SPOP: variants seen among roughly 807,000 people sequenced by gnomAD.
SPOP encodes speckle-type POZ protein.
A neutral mutation model predicts 45.6 loss-of-function variants in SPOP; 11 were observed. That is an observed-to-expected ratio of 0.24 (90% CI 0.15 to 0.40). The LOEUF (loss-of-function observed/expected upper bound fraction) is 0.40, where lower values mean the gene tolerates loss of function less well. Ranked by LOEUF, SPOP falls within the 10% of genes least tolerant of loss-of-function variation. The probability of loss-of-function intolerance (pLI) is 1.00; values close to 1 mark genes in which losing one functional copy is unlikely to be tolerated. For missense variants in SPOP, 152 were observed against 465.6 expected (o/e 0.33, Z 6.20); for synonymous variants, 166 against 166.3 (o/e 1.00, Z 0.01).
At chr17:49,606,495 C>CTTT (rs71146920) in intron 8 of SPOP, among the ~76,000 whole-genome samples, 1 of 69,336 alleles carries the variant, frequency 1.4e-5, no homozygotes, top group East Asian at 3.9e-4. Context: ...TTTCTTTTTT[C>CTTT]TTTTTTTTTT....
intron 1 of SPOP, among the ~76,000 whole-genome samples, chr17:49,668,257 A>T (rs1567805539): frequency 6.6e-6 from 1 of 152,196 alleles, no homozygotes; most frequent in Non-Finnish European, 1.5e-5. Flanking sequence ...CAATAAAAAG[A>T]TTGTTTATTA....
chr17:49,625,019 G>A (rs2072301427), intron 1 of SPOP, among the ~76,000 whole-genome samples: 1 of 152,158 alleles, frequency 6.6e-6, no homozygotes, highest in Non-Finnish European at 1.5e-5. Flanking sequence ...ATTCTGAAGT[G>A]TAGAGTGCAC....
At chr17:49,634,376 T>C (rs1335936958) in intron 1 of SPOP, among the ~76,000 whole-genome samples, 1 of 151,998 alleles carries the variant, frequency 6.6e-6, no homozygotes, top group African/African-American at 2.4e-5. Flanking sequence ...GCTGAGAAAA[T>C]TTACTTATTC....
Position 49,654,641 on chromosome 17 carries a change from C to T in SPOP, c.-67+23292G>A, listed in dbSNP as rs547302975. On this transcript the variant is annotated intron_variant, in intron 1 of 9. Transcript: ENST00000504102. The stretch of plus-strand genomic sequence containing the variant: ...CTCTACTAAAATACAAAAAATTAGC[C>T]GGGCGTGGTGGTACATGCCTGTAGT... Among the ~76,000 whole-genome samples, 311 of 152,156 alleles carry T rather than the reference C, an allele frequency of 2.0e-3. 2 individuals are homozygous for T. The highest frequency in any genetic ancestry group is 3.8e-3 in the Non-Finnish European group (261 of 68,000).
intron 1 of SPOP, among the ~76,000 whole-genome samples, chr17:49,644,306 A>C (rs2072713998): frequency 6.6e-6 from 1 of 152,228 alleles, no homozygotes; most frequent in Non-Finnish European, 1.5e-5. Context: ...TCTCTGATAA[A>C]AGAAGAGTAT....
At chr17:49,675,195 G>A (rs994862302) in intron 1 of SPOP, among the ~76,000 whole-genome samples, 1 of 152,140 alleles carries the variant, frequency 6.6e-6, no homozygotes, top group Non-Finnish European at 1.5e-5. Context: ...GTACATACAA[G>A]GAATTAATTG....
chr17:49,665,353 A>G (rs1230068369), intron 1 of SPOP, among the ~76,000 whole-genome samples: 5 of 152,120 alleles, frequency 3.3e-5, no homozygotes, highest in Non-Finnish European at 7.3e-5. Flanking sequence ...AGTGGCACAC[A>G]CCTGTAATCC....
At chr17:49,675,589 A>G (rs926913198) in intron 1 of SPOP, among the ~76,000 whole-genome samples, 2 of 152,234 alleles carry the variant, frequency 1.3e-5, no homozygotes, top group African/African-American at 4.8e-5. Flanking sequence ...GTGTTAACCC[A>G]TTTTAAACAA....
chr17:49,674,283 T>G (rs1406228512), intron 1 of SPOP, among the ~76,000 whole-genome samples: 1 of 152,258 alleles, frequency 6.6e-6, no homozygotes, highest in East Asian at 1.9e-4. Flanking sequence ...GAATTGCTAT[T>G]AGTTCTTCTT....
At position 49,673,586 on chromosome 17, in the gene SPOP, G is replaced by A. The variant is rs370468728; in HGVS notation, c.-67+4347C>T. 2.2e-4 allele frequency among the ~76,000 whole-genome samples: 34 copies of A among 152,250 alleles called. No homozygotes were observed. The East Asian group carries it at 6.2e-3, about 28-fold the overall frequency. On this transcript the variant is annotated intron_variant, in intron 1 of 9. Coordinates refer to ENST00000504102, the MANE Select transcript of SPOP (RefSeq NM_001007228.2). ...AAATGTGAACAACTGTTGAATCTAA[G>A]TGATGGATATAAAGGTGATAATTGT...
intron 1 of SPOP, among the ~76,000 whole-genome samples, chr17:49,642,917 C>G (rs561081034): frequency 2.4e-4 from 37 of 152,338 alleles, no homozygotes; most frequent in African/African-American, 8.7e-4. Context: ...AATACGTCAT[C>G]TATGTTAAAG....
chr17:49,602,953 A>G (rs1314750081), intron 8 of SPOP, among the ~76,000 whole-genome samples: 1 of 152,202 alleles, frequency 6.6e-6, no homozygotes, highest in Non-Finnish European at 1.5e-5. Context: ...AAGAGGAAGG[A>G]AATACAAGGA....
intron 1 of SPOP, among the ~76,000 whole-genome samples, chr17:49,641,277 A>C (rs2072644346): frequency 6.6e-6 from 1 of 150,740 alleles, no homozygotes. Flanking sequence ...AAAAAAAAAA[A>C]AAAAAAAAAA....
rs2071722289 is a variant in SPOP, at chr17:49,600,627, C to CA, written c.981-106dup. ...TTCCACTGTTAGGTATAAAGGGTGT[C>CA]AATGCAAGAAACAGAAGAACCCTTA... On this transcript the variant is annotated intron_variant, in intron 9 of 9. Transcript: ENST00000504102. The surrounding 1 kb of genome is among the most constrained non-coding windows in gnomAD (Gnocchi z 4.2). The CA allele has an allele frequency of 3.9e-6, 5 of 1,278,016 alleles. No individual in the cohort carries two copies. In the East Asian group the frequency reaches 1.2e-4, roughly 30 times the overall value. 79.2% of individuals were successfully genotyped at this position (1,278,016 alleles called of 1,614,324 possible).
intron 1 of SPOP, among the ~76,000 whole-genome samples, chr17:49,664,685 T>C (rs2073030109): frequency 6.6e-6 from 1 of 152,106 alleles, no homozygotes; most frequent in South Asian, 2.1e-4. Context: ...AATCTCCCAC[T>C]TCCTCACCCG....
chr17:49,607,928 A>G lies in SPOP; in HGVS notation c.660T>C (p.Ala220=). The change falls in exon 7 of 10, where the codon GCT becomes GCC. Residue 220 remains alanine (A), a splice_region_variant and synonymous_variant. Coordinates refer to ENST00000504102, the MANE Select transcript of SPOP (RefSeq NM_001007228.2). Reference sequence around the variant, plus strand: ...ACATGGCACTAAAAACCGGAGAACGAGCTACAAAGTCAAAGAGAAACAAGC... The same window carrying G: ...ACATGGCACTAAAAACCGGAGAACGGGCTACAAAGTCAAAGAGAAACAAGC... ...EFQAHKAILA[A]RSPVFSAMFE... 6.2e-7 allele frequency: 1 copy of G among 1,612,382 alleles called. No homozygotes were observed. The highest frequency in any genetic ancestry group is 8.5e-7 in the Non-Finnish European group (1 of 1,179,014).
At chr17:49,647,330 A>AG (rs2072776211) in intron 1 of SPOP, among the ~76,000 whole-genome samples, 2 of 150,994 alleles carry the variant, frequency 1.3e-5, no homozygotes, top group African/African-American at 4.9e-5. Flanking sequence ...AAAAAAAAAA[A>AG]AAAAAAAAAA....
At chr17:49,676,740 T>C (rs1011211203) in intron 1 of SPOP, among the ~76,000 whole-genome samples, 70 of 152,208 alleles carry the variant, frequency 4.6e-4, no homozygotes, top group Non-Finnish European at 8.5e-4. Flanking sequence ...CTTCACTCTG[T>C]TTTGATGGCA....
At position 49,608,479 on chromosome 17, in the gene SPOP, A is replaced by G. The variant is rs1032266692; in HGVS notation, c.659-550T>C. ...TATTGCCCCAAAGAGGTGGGGGGGG[A>G]AAGAAACTTTAGATATTATAATGAT... On this transcript the variant is annotated intron_variant, in intron 6 of 9. Transcript: ENST00000504102. Among the ~76,000 whole-genome samples the G allele has an allele frequency of 7.9e-5, 12 of 151,960 alleles. No individual in the cohort carries two copies. The East Asian group carries it at 9.7e-4, about 12-fold the overall frequency.
Sources: allele counts gnomAD v4.1 joint callset (sites outside exome capture counted in the v4.1 genomes callset), GRCh38; gene constraint gnomAD v4.1.1; non-coding constraint Gnocchi (gnomAD v3.1); transcripts MANE v1.5; gene names NCBI Gene and HGNC (gene_info 2026-07-23, HGNC 2026-07-21).